Variants in MAGI3 observed in about 807,000 individuals in gnomAD.
MAGI3 encodes membrane associated guanylate kinase, WW and PDZ domain containing 3.
A neutral mutation model predicts 121.8 loss-of-function variants in MAGI3; 43 were observed. The ratio of observed to expected loss-of-function variants is 0.35; its 90% CI spans 0.28 to 0.46. The LOEUF (loss-of-function observed/expected upper bound fraction) is 0.46. Ranked by LOEUF, MAGI3 falls within the 20% of genes least tolerant of loss-of-function variation. The pLI, the probability that MAGI3 is intolerant of heterozygous loss-of-function variation, is 1.00. For synonymous variants in MAGI3, 553 were observed against 639.3 expected, an observed-to-expected ratio of 0.86 and a Z score of 2.04; for missense variants, 1,547 against 1,797.3, an observed-to-expected ratio of 0.86 and a Z score of 2.52.
intron 2 of MAGI3, among the ~76,000 whole-genome samples, chr1:113,572,716 A>G (rs1184228599): frequency 6.6e-6 from 1 of 152,056 alleles, no homozygotes; most frequent in Non-Finnish European, 1.5e-5. Flanking sequence ...GGTAGTTTGT[A>G]TTTCTGTGGG....
intron 1 of MAGI3, among the ~76,000 whole-genome samples, chr1:113,548,103 A>G (rs1334518914): frequency 6.6e-6 from 1 of 152,270 alleles, no homozygotes; most frequent in African/African-American, 2.4e-5. Context: ...GTGGAATAAT[A>G]GTTAAAAAAA....
chr1:113,481,794 A>T (rs1217869301), intron 1 of MAGI3, among the ~76,000 whole-genome samples: 1 of 152,144 alleles, frequency 6.6e-6, no homozygotes, highest in East Asian at 1.9e-4. Context: ...TGAACAACAC[A>T]AATTTCTTAA....
chr1:113,679,729 C>T (rs1224342387), intron 19 of MAGI3, among the ~76,000 whole-genome samples: 7 of 139,796 alleles, frequency 5.0e-5, no homozygotes, highest in South Asian at 2.4e-4. Context: ...TTTTTTGAGA[C>T]GGAGTTTCGC....
intron 9 of MAGI3, 114 bp downstream of exon 9, chr1:113,623,108 A>G: frequency 1.4e-6 from 1 of 713,848 alleles, no homozygotes; most frequent in Non-Finnish European, 2.0e-6. Context: ...AACTAAAGAA[A>G]GAGATTCCAG....
chr1:113,518,174 C>CT (rs1271860634), intron 1 of MAGI3, among the ~76,000 whole-genome samples: 2 of 152,060 alleles, frequency 1.3e-5, no homozygotes, highest in African/African-American at 4.8e-5. Flanking sequence ...TGCAAAGAGT[C>CT]TATCTTTCTG....
In MAGI3 at chr1:113,659,128, G is replaced by A. The variant is rs550906136; in HGVS notation, c.2678G>A (p.Arg893His). The change falls in exon 16 of 21, where the codon CGC becomes CAC. Residue 893 changes from arginine to histidine, a missense_variant. Coordinates refer to ENST00000307546, the MANE Select transcript of MAGI3 (RefSeq NM_001142782.2). ...GTCATAGAAGGAAGTCCGGCTGACC[G>A]CTGTGGAAAACTGAAAGTTGGAGAT... ...GRVIEGSPAD[R>H]CGKLKVGDHI... 18 of 1,613,732 alleles carry A rather than the reference G, an allele frequency of 1.1e-5. No homozygotes were observed. Among genetic ancestry groups the A allele is most frequent in the East Asian group, 6.7e-5 (3 of 44,876 alleles).
At chr1:113,442,118 C>G (rs2101460737) in intron 1 of MAGI3, among the ~76,000 whole-genome samples, 1 of 152,184 alleles carries the variant, frequency 6.6e-6, no homozygotes, top group East Asian at 1.9e-4. Context: ...CATTCAGAAG[C>G]CACTTATAAT....
chr1:113,609,888 C>A (rs569101773), intron 6 of MAGI3, among the ~76,000 whole-genome samples: 1 of 152,102 alleles, frequency 6.6e-6, no homozygotes, highest in African/African-American at 2.4e-5. Flanking sequence ...CAAAAATAAA[C>A]AAACAAATTT....
At chr1:113,567,884 T>G (rs112086413) in intron 2 of MAGI3, among the ~76,000 whole-genome samples, 4 of 151,848 alleles carry the variant, frequency 2.6e-5, no homozygotes, top group African/African-American at 4.8e-5. Flanking sequence ...CAAAAAGAAA[T>G]AAAAGGCATT....
chr1:113,468,515 G>A (rs897423747), intron 1 of MAGI3, among the ~76,000 whole-genome samples: 1 of 152,136 alleles, frequency 6.6e-6, no homozygotes, highest in African/African-American at 2.4e-5. Flanking sequence ...CACGTGATGA[G>A]TGGATACTGT....
chr1:113,472,989 A>G (rs984471502), intron 1 of MAGI3, among the ~76,000 whole-genome samples: 2 of 152,230 alleles, frequency 1.3e-5, no homozygotes, highest in Non-Finnish European at 2.9e-5. Context: ...AAAGCGATTT[A>G]CACACCACTA....
intron 2 of MAGI3, among the ~76,000 whole-genome samples, chr1:113,567,002 T>C (rs1398324188): frequency 6.8e-6 from 1 of 146,292 alleles, no homozygotes; most frequent in African/African-American, 2.5e-5. Flanking sequence ...AAACCAGGAG[T>C]TGTTTTTTTT....
At chr1:113,634,024 T>C (rs1389325411) in intron 9 of MAGI3, among the ~76,000 whole-genome samples, 1 of 151,320 alleles carries the variant, frequency 6.6e-6, no homozygotes, top group Non-Finnish European at 1.5e-5. Context: ...TTTGGCTGCA[T>C]AAATGTCTTC....
At chr1:113,424,967 C>G (rs1451010127) in intron 1 of MAGI3, among the ~76,000 whole-genome samples, 1 of 152,062 alleles carries the variant, frequency 6.6e-6, no homozygotes, top group Non-Finnish European at 1.5e-5. Flanking sequence ...AACCCCGTCT[C>G]TACTAAAAAT....
intron 1 of MAGI3, among the ~76,000 whole-genome samples, chr1:113,451,408 CTG>C (rs1365777336): frequency 1.3e-5 from 2 of 152,090 alleles, no homozygotes; most frequent in Admixed American, 6.5e-5. Flanking sequence ...ATAATCAAAA[CTG>C]TGCAGATTTA....
rs1471195332 is a variant in MAGI3, at chr1:113,683,273, T to C, written c.3705T>C (p.His1235=). 6.2e-7 allele frequency: 1 copy of C among 1,612,926 alleles called. No individual in the cohort carries two copies. Among genetic ancestry groups the C allele is most frequent in the African/African-American group, 1.3e-5 (1 of 74,778 alleles). The part of the protein sequence containing the change: ...KKPASQHSEE[H]LDKIPSPLKN... ...CAGCCAGTCAACATTCAGAGGAACATTTGGATAAGATTCCTAGTCCTCTAA... is the reference window on the plus strand; with the variant it reads ...CAGCCAGTCAACATTCAGAGGAACACTTGGATAAGATTCCTAGTCCTCTAA... Residue 1235 remains histidine (H), a synonymous_variant, in exon 21 of 21, where the codon CAT becomes CAC. Coordinates refer to ENST00000307546, the MANE Select transcript of MAGI3 (RefSeq NM_001142782.2).
At chr1:113,679,647 C>A (rs549365444) in intron 19 of MAGI3, among the ~76,000 whole-genome samples, 1 of 151,784 alleles carries the variant, frequency 6.6e-6, no homozygotes, top group Non-Finnish European at 1.5e-5. Flanking sequence ...TAGTAAATCA[C>A]AATGGTACTA....
intron 6 of MAGI3, among the ~76,000 whole-genome samples, chr1:113,612,629 A>G (rs1650225034): frequency 1.6e-5 from 1 of 64,290 alleles, no homozygotes; most frequent in Non-Finnish European, 3.5e-5. Flanking sequence ...ACAAAACAAA[A>G]CCAAACAAAA....
chr1:113,572,324 A>C (rs1647347122), intron 2 of MAGI3, among the ~76,000 whole-genome samples: 1 of 152,154 alleles, frequency 6.6e-6, no homozygotes, highest in African/African-American at 2.4e-5. Flanking sequence ...TTTCGCATCG[A>C]TGTTCATTAG....
Sources: allele counts gnomAD v4.1 joint callset (sites outside exome capture counted in the v4.1 genomes callset), GRCh38; gene constraint gnomAD v4.1.1; transcripts MANE v1.5; gene names NCBI Gene and HGNC (gene_info 2026-07-23, HGNC 2026-07-21).